ZNF652: variants seen among roughly 807,000 people sequenced by gnomAD.
ZNF652 encodes the protein zinc finger protein 652.
Under a neutral mutation model 45.2 loss-of-function variants are expected in ZNF652, and 16 were observed. That is an observed-to-expected ratio of 0.35 (90% CI 0.24 to 0.54). The LOEUF is 0.54. Ranked by LOEUF, ZNF652 falls within the 20% of genes least tolerant of loss-of-function variation. The probability of loss-of-function intolerance (pLI) is 0.91; values close to 1 mark genes in which losing one functional copy is unlikely to be tolerated. For missense variants in ZNF652, 614 were observed against 765.6 expected, an observed-to-expected ratio of 0.80 and a Z score of 2.34; for synonymous variants, 250 against 260.6, an observed-to-expected ratio of 0.96 and a Z score of 0.39.
At chr17:49,325,246 T>A (rs895834548) in intron 1 of ZNF652, among the ~76,000 whole-genome samples, 8 of 151,542 alleles carry the variant, frequency 5.3e-5, no homozygotes, top group Non-Finnish European at 1.0e-4. Flanking sequence ...CACTGTAGAG[T>A]TATTAATTGG....
intron 5 of ZNF652, among the ~76,000 whole-genome samples, chr17:49,301,509 G>A (rs2069552325): frequency 1.3e-5 from 2 of 152,104 alleles, no homozygotes; most frequent in African/African-American, 4.8e-5. Context: ...TGTTGGCCAT[G>A]CTAGTCTCAA....
intron 1 of ZNF652, among the ~76,000 whole-genome samples, chr17:49,353,077 A>C (rs2070299470): frequency 1.3e-5 from 2 of 152,216 alleles, no homozygotes; most frequent in South Asian, 4.1e-4. Context: ...TGATATTCAC[A>C]GAACTGTATG....
intron 1 of ZNF652, among the ~76,000 whole-genome samples, chr17:49,341,013 C>T (rs906084196): frequency 1.3e-5 from 2 of 152,112 alleles, no homozygotes; most frequent in Admixed American, 6.5e-5. Flanking sequence ...GCCAGGAGTT[C>T]GAGATCAGTC....
At position 49,316,811 on chromosome 17, in the gene ZNF652, G is replaced by T. The variant is rs770150466; in HGVS notation, c.900+15C>A. The stretch of plus-strand genomic sequence containing the variant: ...TCTATCCTGAAAAGTTTTCCCTCTC[G>T]GTGATGAAACCTACCTGAATGTTTT... On this transcript the variant is annotated intron_variant, in intron 2 of 5. Transcript: ENST00000430262. The T allele has an allele frequency of 6.3e-7, 1 of 1,593,084 alleles. No individual in the cohort carries two copies. Among genetic ancestry groups the T allele is most frequent in the Non-Finnish European group, 8.5e-7 (1 of 1,171,366 alleles).
intron 1 of ZNF652, among the ~76,000 whole-genome samples, chr17:49,338,689 A>C (rs181941741): frequency 3.0e-4 from 45 of 152,364 alleles, no homozygotes; most frequent in African/African-American, 1.1e-3. Flanking sequence ...TGATCAAAGG[A>C]AAAGTCAACA....
chr17:49,304,216 T>C (rs547728222), intron 5 of ZNF652, among the ~76,000 whole-genome samples: 2 of 151,878 alleles, frequency 1.3e-5, no homozygotes, highest in East Asian at 3.9e-4. Flanking sequence ...TGTAGTCTTC[T>C]ATACTATAAG....
chr17:49,338,375 T>TAAC, intron 1 of ZNF652, among the ~76,000 whole-genome samples: 1 of 152,260 alleles, frequency 6.6e-6, no homozygotes, highest in South Asian at 2.1e-4. Flanking sequence ...GGAACTGTGG[T>TAAC]AACCATCTTG....
rs2070378018 is a variant in ZNF652, at chr17:49,360,187, C to T, written c.-259+1722G>A. On this transcript the variant is annotated intron_variant, in intron 1 of 5. Transcript: ENST00000430262. ...CTTATCCTAATCAAAGAACAAAACA[C>T]AAGGTTACATGCATAAGCTACTTTG... Among the ~76,000 whole-genome samples the T allele has an allele frequency of 2.0e-5, 3 of 152,272 alleles. No individual in the cohort carries two copies. In the South Asian group the frequency reaches 6.2e-4, roughly 32 times the overall value.
chr17:49,354,755 C>T (rs1452366244), intron 1 of ZNF652, among the ~76,000 whole-genome samples: 1 of 151,698 alleles, frequency 6.6e-6, no homozygotes, highest in Non-Finnish European at 1.5e-5. Context: ...GAGATGGAGT[C>T]TCAACTGTCA....
chr17:49,317,054 C>A lies in ZNF652; in HGVS notation c.672G>T (p.Lys224Asn). The A allele has an allele frequency of 6.2e-7, 1 of 1,614,076 alleles. No individual in the cohort carries two copies. Among genetic ancestry groups the A allele is most frequent in the South Asian group, 1.1e-5 (1 of 91,078 alleles). Residue 224 changes from lysine to asparagine, a missense_variant, in exon 2 of 6, where the codon AAG (lysine) becomes AAT (asparagine). Around this residue, in one of 5 missense-constraint regions of ZNF652, gnomAD observed 262 missense variants for 306.3 expected, o/e 0.86. Transcript: ENST00000430262. The stretch of plus-strand genomic sequence containing the variant: ...GTGCTTTGGGCTCCTTTGTGGCCCG[C>A]TTCTTACGCTTAGGTGGCTCTACAC... Reference protein sequence around the residue: ...RKSVEPPKRKKRATKEPKAPV... With the variant: ...RKSVEPPKRKNRATKEPKAPV...
At chr17:49,326,241 T>TTAA (rs2069954966) in intron 1 of ZNF652, among the ~76,000 whole-genome samples, 2 of 94,074 alleles carry the variant, frequency 2.1e-5, no homozygotes, top group South Asian at 3.8e-4. Flanking sequence ...ACCCCATCTC[T>TTAA]AAAAAAAAAA....
chr17:49,321,380 C>T (rs2069889444), intron 1 of ZNF652, among the ~76,000 whole-genome samples: 1 of 149,810 alleles, frequency 6.7e-6, no homozygotes, highest in African/African-American at 2.5e-5. Context: ...TCTCCTGTCT[C>T]AGACTCCTGA....
chr17:49,335,030 T>C (rs140074358), intron 1 of ZNF652, among the ~76,000 whole-genome samples: 1 of 152,142 alleles, frequency 6.6e-6, no homozygotes, highest in Non-Finnish European at 1.5e-5. Context: ...GAAAATGTTC[T>C]GGAATTAGAC....
intron 1 of ZNF652, chr17:49,322,423 A>G (rs537789375): frequency 6.6e-6 from 1 of 152,354 alleles, no homozygotes; most frequent in South Asian, 2.1e-4. Context: ...CAGTGGCTTC[A>G]TGAACAAAAC....
intron 1 of ZNF652, among the ~76,000 whole-genome samples, chr17:49,352,739 A>C (rs1244096047): frequency 6.6e-6 from 1 of 152,206 alleles, no homozygotes; most frequent in Non-Finnish European, 1.5e-5. Context: ...ATGTCCCTCA[A>C]ATGGTTACGA....
At chr17:49,354,700 T>C (rs551344151) in intron 1 of ZNF652, among the ~76,000 whole-genome samples, 2 of 152,218 alleles carry the variant, frequency 1.3e-5, no homozygotes, top group East Asian at 3.9e-4. Context: ...ACCATTACTA[T>C]TCTGAAAGTT....
intron 1 of ZNF652, among the ~76,000 whole-genome samples, chr17:49,344,518 AT>A (rs35027750): frequency 0.48 from 52,901 of 109,820 alleles, 8,470 homozygotes; most frequent in Non-Finnish European, 0.52. Flanking sequence ...TCAAAGCAAA[AT>A]TTTTTTTTTT....
At chr17:49,336,928 C>CT (rs1179618004) in intron 1 of ZNF652, among the ~76,000 whole-genome samples, 23 of 136,892 alleles carry the variant, frequency 1.7e-4, no homozygotes, top group Non-Finnish European at 3.4e-4. Flanking sequence ...CCCCGGCCTA[C>CT]TTTTCTTAAT....
chr17:49,349,641 C>T (rs2070249127), intron 1 of ZNF652, among the ~76,000 whole-genome samples: 1 of 152,314 alleles, frequency 6.6e-6, no homozygotes, highest in South Asian at 2.1e-4. Context: ...GACTACTACT[C>T]TCAGTTAACA....
Sources: allele counts gnomAD v4.1 joint callset (sites outside exome capture counted in the v4.1 genomes callset), GRCh38; gene constraint gnomAD v4.1.1; regional missense constraint gnomAD v4.1.1; transcripts MANE v1.5; gene names NCBI Gene and HGNC (gene_info 2026-07-23, HGNC 2026-07-21).